The following LPP variants were observed in gnomAD, a reference collection of about 807,000 sequenced individuals.
The protein encoded by LPP is LIM domain containing preferred translocation partner in lipoma.
A neutral mutation model predicts 60.4 loss-of-function variants in LPP; 38 were observed. That is an observed-to-expected ratio of 0.63 (90% confidence interval 0.49 to 0.83). LPP has a LOEUF of 0.83. Ranked by LOEUF, LPP falls within the 40% of genes least tolerant of loss-of-function variation. The probability of loss-of-function intolerance (pLI) is 0.00; values close to 1 mark genes in which losing one functional copy is unlikely to be tolerated. For synonymous variants in LPP, 328 were observed against 290.8 expected (o/e 1.13, Z -1.30); for missense variants, 902 against 783.6 (o/e 1.15, Z -1.80).
intron 1 of LPP, among the ~76,000 whole-genome samples, chr3:188,162,589 A>G (rs1405114241): frequency 6.6e-6 from 1 of 152,224 alleles, no homozygotes; most frequent in Non-Finnish European, 1.5e-5. Context: ...TTTTTGGTGT[A>G]GGGAAAACAA....
intron 8 of LPP, among the ~76,000 whole-genome samples, chr3:188,717,895 ACAAAC>A (rs1714719130): frequency 6.6e-6 from 1 of 152,022 alleles, no homozygotes; most frequent in African/African-American, 2.4e-5. Flanking sequence ...TCGGTGCACC[ACAAAC>A]TCCACCTCCA....
intron 2 of LPP, among the ~76,000 whole-genome samples, chr3:188,323,111 T>C (rs1757416227): frequency 1.3e-5 from 2 of 152,218 alleles, no homozygotes; most frequent in Admixed American, 6.5e-5. Flanking sequence ...GGATTTGTGC[T>C]GGCTTCCCGG....
At chr3:188,739,899 G>T (rs1432165021) in intron 8 of LPP, among the ~76,000 whole-genome samples, 1 of 152,046 alleles carries the variant, frequency 6.6e-6, no homozygotes, top group East Asian at 1.9e-4. Flanking sequence ...ATCTCTGAAA[G>T]TTACTTCCTT....
intron 2 of LPP, among the ~76,000 whole-genome samples, chr3:188,248,116 G>A (rs1222263906): frequency 1.3e-5 from 2 of 151,910 alleles, no homozygotes; most frequent in Non-Finnish European, 2.9e-5. Context: ...TACTTACTGG[G>A]CTGCATTTTT....
intron 2 of LPP, among the ~76,000 whole-genome samples, chr3:188,270,501 T>C (rs6789758): frequency 0.11 from 17,324 of 152,228 alleles, 1,344 homozygotes; most frequent in African/African-American, 0.21. Context: ...ATTCATCGGT[T>C]TTCCAGTAAA....
At chr3:188,487,053 T>A (rs1211727623) in intron 5 of LPP, among the ~76,000 whole-genome samples, 2 of 152,218 alleles carry the variant, frequency 1.3e-5, no homozygotes, top group Admixed American at 1.3e-4. Context: ...ACTATTTTGT[T>A]GCATTTTAAA....
intron 11 of LPP, among the ~76,000 whole-genome samples, chr3:188,873,585 A>ATTTT (rs11394319): frequency 6.7e-6 from 1 of 148,860 alleles, no homozygotes; most frequent in Admixed American, 6.7e-5. Flanking sequence ...AGTTCTTTGC[A>ATTTT]TTTTTTTTTT....
chr3:188,468,962 C>A (rs1579138737), intron 4 of LPP, among the ~76,000 whole-genome samples: 1 of 152,286 alleles, frequency 6.6e-6, no homozygotes, highest in East Asian at 1.9e-4. Context: ...GGCTGAACTT[C>A]TGCTCAGAAC....
intron 2 of LPP, among the ~76,000 whole-genome samples, chr3:188,331,032 T>C (rs1759913384): frequency 2.6e-5 from 4 of 152,202 alleles, no homozygotes; most frequent in Non-Finnish European, 5.9e-5. Context: ...TTTGTTTTTT[T>C]CTAGCCATTT....
chr3:188,771,576 A>AAAGAAAGAAAGG lies in LPP; in HGVS notation c.1410+11301_1410+11302insAAAGGAAGAAAG, dbSNP rs1553842395. Among the ~76,000 whole-genome samples, 602 of 130,396 alleles carry AAAGAAAGAAAGG rather than the reference A, an allele frequency of 4.6e-3. 14 individuals are homozygous for AAAGAAAGAAAGG. The highest frequency in any genetic ancestry group is 0.016 in the African/African-American group (552 of 35,566). The allele number at this position is 130,396 out of a possible 152,430, so 85.5% of individuals were successfully genotyped here. A position where few individuals can be genotyped will look rare whatever the true frequency, so the allele number is the denominator to read the frequency against. Reference sequence around the variant, plus strand: ...AAAAAAAAAAAAAAAAGAAAGAAAGAAAGAAAGGGAGAAAGAAAGAAAGAA... The same window carrying AAAGAAAGAAAGG: ...AAAAAAAAAAAAAAAAGAAAGAAAGAAAGAAAGAAAGGAAGAAAGGGAGAAAGAAAGAAAGAA... On this transcript the variant is annotated intron_variant, in intron 9 of 11. Coordinates refer to ENST00000617246, the MANE Select transcript of LPP (RefSeq NM_001375462.1).
chr3:188,323,902 G>A (rs1349832418), intron 2 of LPP, among the ~76,000 whole-genome samples: 1 of 152,204 alleles, frequency 6.6e-6, no homozygotes, highest in Non-Finnish European at 1.5e-5. Context: ...ATGATTCTGG[G>A]TGAGCTATAT....
intron 1 of LPP, 103 bp from the exon 2 acceptor site, chr3:188,225,302 A>G (rs1308571061): frequency 1.3e-5 from 2 of 152,228 alleles, no homozygotes; most frequent in African/African-American, 4.8e-5. Flanking sequence ...TAGGAGGTAT[A>G]GAAGTAAACC....
At chr3:188,343,950 T>C (rs184241233) in intron 3 of LPP, among the ~76,000 whole-genome samples, 164 of 152,346 alleles carry the variant, frequency 1.1e-3, no homozygotes, top group African/African-American at 3.7e-3. Context: ...AATCATTGTT[T>C]TTCTCTGCTC....
intron 3 of LPP, among the ~76,000 whole-genome samples, chr3:188,362,585 A>G (rs1769800295): frequency 6.6e-6 from 1 of 151,980 alleles, no homozygotes; most frequent in Admixed American, 6.6e-5. Flanking sequence ...GCCTCTTTTT[A>G]TTTCCCTGTA....
chr3:188,472,941 T>C (rs1258483476), intron 4 of LPP: 2 of 152,240 alleles, frequency 1.3e-5, no homozygotes, highest in Non-Finnish European at 2.9e-5. Flanking sequence ...GTCTGCCATG[T>C]GCTGTGGTCA....
chr3:188,272,979 G>A lies in LPP; in HGVS notation c.-67+47452G>A, dbSNP rs532635989. On this transcript the variant is annotated intron_variant, in intron 2 of 11. Transcript: ENST00000617246. ...GGAATGCTACCCTCTATTTACTAACGAGCAAAGCGATGCTGAAATACAGTG... is the reference window on the plus strand; with the variant it reads ...GGAATGCTACCCTCTATTTACTAACAAGCAAAGCGATGCTGAAATACAGTG... Among the ~76,000 whole-genome samples the A allele has an allele frequency of 4.6e-5, 7 of 152,302 alleles. No individual in the cohort carries two copies. In the East Asian group the frequency reaches 9.6e-4, roughly 21 times the overall value.
chr3:188,483,907 A>G (rs1471927360), intron 4 of LPP, among the ~76,000 whole-genome samples: 1 of 152,188 alleles, frequency 6.6e-6, no homozygotes, highest in Non-Finnish European at 1.5e-5. Context: ...TGCATGATAA[A>G]ATTCAAACCC....
chr3:188,364,173 C>T (rs952636137), intron 3 of LPP, among the ~76,000 whole-genome samples: 6 of 152,110 alleles, frequency 3.9e-5, no homozygotes, highest in Admixed American at 6.6e-5. Flanking sequence ...AGGCCCTGCC[C>T]GACTCATTGT....
chr3:188,207,826 C>T (rs1733730736), intron 1 of LPP, among the ~76,000 whole-genome samples: 1 of 152,034 alleles, frequency 6.6e-6, no homozygotes, highest in Non-Finnish European at 1.5e-5. Flanking sequence ...TCTTTTAATT[C>T]CTAGCCCAAA....
Sources: gnomAD v4.1 joint callset for allele counts (sites outside exome capture counted in the v4.1 genomes callset) on GRCh38, gnomAD v4.1.1 for gene constraint, MANE v1.5 for transcripts, NCBI Gene and HGNC (gene_info 2026-07-23, HGNC 2026-07-21) for gene names.